Variants in ADAMTSL1 observed in about 807,000 individuals in gnomAD.
ADAMTSL1 encodes the protein ADAMTS-like protein 1.
A neutral mutation model predicts 201.8 loss-of-function variants in ADAMTSL1; 126 were observed. The ratio of observed to expected loss-of-function variants is 0.62; its 90% CI spans 0.54 to 0.72. ADAMTSL1 has a LOEUF of 0.72. ADAMTSL1 is among the 30% of genes least tolerant of loss of function. ADAMTSL1 has a pLI of 0.00. For missense variants in ADAMTSL1, 2,679 were observed against 2,277.8 expected (o/e 1.18, Z -3.59); for synonymous variants, 1,121 against 903.4 (o/e 1.24, Z -4.32).
At chr9:18,389,281 A>G (rs1028672058) in intron 2 of ADAMTSL1, among the ~76,000 whole-genome samples, 5 of 152,094 alleles carry the variant, frequency 3.3e-5, no homozygotes, top group African/African-American at 1.2e-4. Flanking sequence ...GGCCATGTCA[A>G]TAAATTATTT....
intron 1 of ADAMTSL1, among the ~76,000 whole-genome samples, chr9:18,152,223 G>C (rs1476797259): frequency 6.6e-6 from 1 of 152,030 alleles, no homozygotes; most frequent in African/African-American, 2.4e-5. Flanking sequence ...ACAAGAGCAG[G>C]ACCTCTGTGG....
chr9:18,074,161 G>A (rs1256426716), intron 1 of ADAMTSL1, among the ~76,000 whole-genome samples: 1 of 152,152 alleles, frequency 6.6e-6, no homozygotes, highest in Non-Finnish European at 1.5e-5. Context: ...GGTCTGAGAT[G>A]CCCACCAGCT....
intron 1 of ADAMTSL1, among the ~76,000 whole-genome samples, chr9:17,975,861 T>G (rs2131445160): frequency 6.6e-6 from 1 of 152,262 alleles, no homozygotes; most frequent in South Asian, 2.1e-4. Flanking sequence ...TCAGTTCTGA[T>G]ATTTAACTGT....
intron 2 of ADAMTSL1, among the ~76,000 whole-genome samples, chr9:18,383,172 G>T (rs1463649598): frequency 1.3e-5 from 2 of 152,068 alleles, no homozygotes; most frequent in Non-Finnish European, 2.9e-5. Context: ...GGGGTTTTGT[G>T]AGGGAAGGGA....
chr9:18,478,726 G>A lies in ADAMTSL1; in HGVS notation c.63+4431G>A, dbSNP rs1587328244. Among the ~76,000 whole-genome samples the A allele has an allele frequency of 2.6e-5, 4 of 152,258 alleles. No homozygotes were observed. The East Asian group carries it at 7.7e-4, about 29-fold the overall frequency. On this transcript the variant is annotated intron_variant, in intron 1 of 28. Coordinates refer to ENST00000380548, the MANE Select transcript of ADAMTSL1 (RefSeq NM_001040272.6). The stretch of plus-strand genomic sequence containing the variant: ...TGACCTCTTCGTAGCATAAGGACCG[G>A]AGCCTTTTCTTGAGTGAGAGCATTC...
At chr9:18,620,729 A>G (rs1825984908) in intron 4 of ADAMTSL1, among the ~76,000 whole-genome samples, 1 of 152,162 alleles carries the variant, frequency 6.6e-6, no homozygotes, top group African/African-American at 2.4e-5. Flanking sequence ...CACTGAACCC[A>G]TAGGGATAGA....
At chr9:18,768,455 C>CT (rs10659731) in intron 16 of ADAMTSL1, among the ~76,000 whole-genome samples, 56,229 of 116,934 alleles carry the variant, frequency 0.48, 14,571 homozygotes, top group South Asian at 0.57. Context: ...TGAGCCTCAG[C>CT]TTTTTTTTTT....
In ADAMTSL1 at chr9:18,718,687, A is replaced by G. The variant is rs554665254; in HGVS notation, c.1877-2849A>G. Among the ~76,000 whole-genome samples, 26 of 152,314 alleles carry G rather than the reference A, an allele frequency of 1.7e-4. No homozygotes were observed. The East Asian group carries it at 4.2e-3, about 25-fold the overall frequency. On this transcript the variant is annotated intron_variant, in intron 14 of 28. Coordinates refer to ENST00000380548, the MANE Select transcript of ADAMTSL1 (RefSeq NM_001040272.6). Reference sequence around the variant, plus strand: ...CACCTGACTCTGGGCGAGGTTTGGCATTGTCCAGAAGGGCCTAAGTTCTAT... The same window carrying G: ...CACCTGACTCTGGGCGAGGTTTGGCGTTGTCCAGAAGGGCCTAAGTTCTAT...
At chr9:18,825,959 C>G (rs1452714909) in intron 21 of ADAMTSL1, among the ~76,000 whole-genome samples, 1 of 152,200 alleles carries the variant, frequency 6.6e-6, no homozygotes, top group Non-Finnish European at 1.5e-5. Context: ...GGCAAGCCCC[C>G]CCTGCCAGCT....
At chr9:18,503,107 A>G (rs189568739) in intron 1 of ADAMTSL1, among the ~76,000 whole-genome samples, 1 of 152,080 alleles carries the variant, frequency 6.6e-6, no homozygotes, top group Admixed American at 6.6e-5. Context: ...TATACATTAA[A>G]TACATTCACA....
chr9:18,668,384 A>C (rs1018857759), intron 9 of ADAMTSL1, among the ~76,000 whole-genome samples: 1 of 152,208 alleles, frequency 6.6e-6, no homozygotes, highest in South Asian at 2.1e-4. Flanking sequence ...ATAATCAACT[A>C]TAACTCAATT....
intron 2 of ADAMTSL1, among the ~76,000 whole-genome samples, chr9:18,312,419 G>A (rs1434292776): frequency 6.6e-6 from 1 of 152,176 alleles, no homozygotes; most frequent in Admixed American, 6.5e-5. Context: ...TTAAAAAGGA[G>A]AAAAATTAAA....
At chr9:18,549,859 C>T (rs538032697) in intron 3 of ADAMTSL1, among the ~76,000 whole-genome samples, 13 of 152,016 alleles carry the variant, frequency 8.6e-5, no homozygotes, top group African/African-American at 1.4e-4. Flanking sequence ...GCAGCATCAA[C>T]GTCAGCCTGG....
intron 19 of ADAMTSL1, among the ~76,000 whole-genome samples, chr9:18,787,004 T>C (rs917580128): frequency 6.6e-6 from 1 of 152,236 alleles, no homozygotes; most frequent in African/African-American, 2.4e-5. Flanking sequence ...GAAGATCAGA[T>C]GGGAAATTCC....
chr9:18,243,871 G>T (rs574534747), intron 2 of ADAMTSL1, among the ~76,000 whole-genome samples: 1 of 150,426 alleles, frequency 6.6e-6, no homozygotes, highest in East Asian at 1.9e-4. Context: ...GAGCTTCTCT[G>T]CTTGTACCAG....
At chr9:18,863,474 T>C (rs1254244371) in intron 23 of ADAMTSL1, among the ~76,000 whole-genome samples, 1 of 152,190 alleles carries the variant, frequency 6.6e-6, no homozygotes, top group East Asian at 1.9e-4. Context: ...TAGTTTTCTT[T>C]GGGAAAATGT....
At chr9:18,345,358 C>T (rs917183253) in intron 2 of ADAMTSL1, among the ~76,000 whole-genome samples, 2 of 152,104 alleles carry the variant, frequency 1.3e-5, no homozygotes, top group African/African-American at 4.8e-5. Flanking sequence ...AGAGTTGTTT[C>T]TAAGAAGAAC....
At chr9:18,718,442 A>G in intron 14 of ADAMTSL1, 1 of 627,598 alleles carries the variant, frequency 1.6e-6, no homozygotes, top group Non-Finnish European at 3.1e-6. Flanking sequence ...ATATTTTTCA[A>G]CAAAAATTCC....
chr9:18,351,265 G>T (rs73643248), intron 2 of ADAMTSL1, among the ~76,000 whole-genome samples: 1 of 138,932 alleles, frequency 7.2e-6, no homozygotes, highest in East Asian at 2.1e-4. Flanking sequence ...AAAAAAAAAA[G>T]AAAAAAAAAA....
Sources: allele counts gnomAD v4.1 joint callset (sites outside exome capture counted in the v4.1 genomes callset), GRCh38; gene constraint gnomAD v4.1.1; transcripts MANE v1.5; gene names NCBI Gene and HGNC (gene_info 2026-07-23, HGNC 2026-07-21).